PM20D2: variants seen among roughly 807,000 people sequenced by gnomAD.
PM20D2 encodes the protein peptidase M20 domain containing 2, also known as xaa-Arg dipeptidase.
PM20D2 carries 33 observed loss-of-function variants against 42.9 expected under a neutral mutation model. The observed-to-expected ratio is 0.77, with a 90% CI of 0.58 to 1.03. PM20D2 has a LOEUF of 1.03. Among genes scored for constraint, PM20D2 ranks in the 50% least tolerant of loss-of-function variants. The probability of loss-of-function intolerance (pLI) is 0.00; values close to 1 mark genes in which losing one functional copy is unlikely to be tolerated. For missense variants in PM20D2, 548 were observed against 557.0 expected (o/e 0.98, Z 0.16); for synonymous variants, 250 against 228.2 (o/e 1.10, Z -0.86).
the PM20D2 span, among the ~76,000 whole-genome samples, chr6:89,108,272 T>C: frequency 6.6e-5 from 10 of 152,208 alleles, no homozygotes; most frequent in Non-Finnish European, 1.0e-4. Flanking sequence ...TTACAGTGCA[T>C]TTATATGTTA....
chr6:89,161,033 G>A (rs1771217480), intron 5 of PM20D2, among the ~76,000 whole-genome samples: 1 of 152,128 alleles, frequency 6.6e-6, no homozygotes, highest in African/African-American at 2.4e-5. Context: ...AGACCAATTA[G>A]GAAACTTCTA....
the PM20D2 span, chr6:89,096,644 T>C: frequency 6.6e-6 from 1 of 151,624 alleles, no homozygotes; most frequent in Admixed American, 6.6e-5. Flanking sequence ...CTAGTTATTA[T>C]TTTTCACAAT....
the PM20D2 span, among the ~76,000 whole-genome samples, chr6:89,133,177 TATC>T: frequency 4.0e-5 from 6 of 149,598 alleles, no homozygotes; most frequent in Non-Finnish European, 8.9e-5. Context: ...TGCAGTGAGC[TATC>T]ATCATGCCAC....
At chr6:89,134,893 G>C in the PM20D2 span, among the ~76,000 whole-genome samples, 550 of 151,268 alleles carry the variant, frequency 3.6e-3, 39 homozygotes, top group African/African-American at 0.013. Context: ...GATTTCTTGG[G>C]TAGCTCTGGA....
the PM20D2 span, among the ~76,000 whole-genome samples, chr6:89,117,100 A>T: frequency 6.6e-6 from 1 of 152,052 alleles, no homozygotes; most frequent in South Asian, 2.1e-4. Context: ...GTCATTCCTT[A>T]GTATCTGTGT....
At chr6:89,100,061 G>A in the PM20D2 span, among the ~76,000 whole-genome samples, 2 of 152,104 alleles carry the variant, frequency 1.3e-5, no homozygotes, top group African/African-American at 4.8e-5. Context: ...AAATGGGTGG[G>A]ACACGAGAGG....
At chr6:89,108,567 A>G in the PM20D2 span, among the ~76,000 whole-genome samples, 1 of 152,194 alleles carries the variant, frequency 6.6e-6, no homozygotes, top group Non-Finnish European at 1.5e-5. Context: ...ATGATCATAA[A>G]ATGTGGCTCG....
chr6:89,125,584 C>T, the PM20D2 span, among the ~76,000 whole-genome samples: 1 of 151,862 alleles, frequency 6.6e-6, no homozygotes, highest in Non-Finnish European at 1.5e-5. Context: ...AGTTCAAGAC[C>T]AGCCTGACCA....
the PM20D2 span, among the ~76,000 whole-genome samples, chr6:89,094,199 G>C: frequency 6.6e-6 from 1 of 151,608 alleles, no homozygotes; most frequent in African/African-American, 2.4e-5. Flanking sequence ...GGGATTACAG[G>C]CATCAGCCAC....
At chr6:89,113,648 T>C in the PM20D2 span, among the ~76,000 whole-genome samples, 10 of 152,060 alleles carry the variant, frequency 6.6e-5, no homozygotes, top group Non-Finnish European at 1.0e-4. Context: ...TGTTAAAGCC[T>C]ATTTATTTAT....
intron 4 of PM20D2, 130 bp from the exon 5 acceptor site, chr6:89,158,195 G>T: frequency 1.3e-6 from 1 of 760,394 alleles, no homozygotes. Context: ...AGATTTGAGA[G>T]TGTTTATATC....
chr6:89,157,381 T>C (rs1003600024), intron 4 of PM20D2, among the ~76,000 whole-genome samples: 3 of 152,234 alleles, frequency 2.0e-5, no homozygotes, highest in African/African-American at 7.2e-5. Context: ...TTTGCTAATA[T>C]TGGTTTGAGG....
the PM20D2 span, among the ~76,000 whole-genome samples, chr6:89,103,062 C>A: frequency 1.3e-5 from 2 of 152,058 alleles, no homozygotes; most frequent in Admixed American, 6.6e-5. Flanking sequence ...CTGCACCTGG[C>A]CATAAGACAG....
At chr6:89,144,928 C>T (rs1770471304), upstream of PM20D2, among the ~76,000 whole-genome samples, 1 of 152,306 alleles carries the variant, frequency 6.6e-6, no homozygotes, top group East Asian at 1.9e-4. Flanking sequence ...TGGAATGTGA[C>T]ATTTACTCTG....
chr6:89,139,290 G>C, the PM20D2 span, among the ~76,000 whole-genome samples: 11 of 152,068 alleles, frequency 7.2e-5, no homozygotes, highest in South Asian at 2.3e-3. Flanking sequence ...TCTCAGGCTG[G>C]TCTCAAACTC....
At chr6:89,102,351 C>T in the PM20D2 span, among the ~76,000 whole-genome samples, 4 of 152,038 alleles carry the variant, frequency 2.6e-5, no homozygotes, top group Non-Finnish European at 5.9e-5. Context: ...GCCATGTTGG[C>T]CAGGCATGTC....
the PM20D2 span, among the ~76,000 whole-genome samples, chr6:89,138,214 T>C: frequency 6.6e-6 from 1 of 152,220 alleles, no homozygotes; most frequent in African/African-American, 2.4e-5. Context: ...CATGAGACCA[T>C]GCACCCAGCA....
At chr6:89,153,544 G>A (rs1770928850) in intron 3 of PM20D2, among the ~76,000 whole-genome samples, 1 of 152,054 alleles carries the variant, frequency 6.6e-6, no homozygotes, top group East Asian at 1.9e-4. Context: ...ATTAAAAAAA[G>A]GTATAATAAC....
chr6:89,125,082 A>G, the PM20D2 span, among the ~76,000 whole-genome samples: 1 of 152,072 alleles, frequency 6.6e-6, no homozygotes, highest in African/African-American at 2.4e-5. Context: ...ATTTGTGTTT[A>G]ATAAGGATAT....
Sources: allele counts gnomAD v4.1 joint callset (sites outside exome capture counted in the v4.1 genomes callset), GRCh38; gene constraint gnomAD v4.1.1; transcripts MANE v1.5; gene names NCBI Gene and HGNC (gene_info 2026-07-23, HGNC 2026-07-21).